Variants in ZNF143 observed in about 807,000 individuals in gnomAD.
ZNF143 encodes the protein zinc finger protein 143.
In ZNF143, 49 loss-of-function variants were observed where a neutral mutation model predicts 74.1. The observed-to-expected ratio is 0.66, with a 90% CI of 0.53 to 0.84. ZNF143 has a LOEUF of 0.84. Ranked by LOEUF, ZNF143 falls within the 40% of genes least tolerant of loss-of-function variation. The probability of loss-of-function intolerance (pLI) is 0.00; values close to 1 mark genes in which losing one functional copy is unlikely to be tolerated. For synonymous variants in ZNF143, 304 were observed against 282.8 expected (o/e 1.07, Z -0.75); for missense variants, 637 against 793.4 (o/e 0.80, Z 2.37).
chr11:9,507,744 A>G (rs59292509), intron 11 of ZNF143, among the ~76,000 whole-genome samples: 1,915 of 152,308 alleles, frequency 0.013, 43 homozygotes, highest in African/African-American at 0.043. Context: ...GATATTAAGT[A>G]ATTATTATTA....
intron 11 of ZNF143, among the ~76,000 whole-genome samples, chr11:9,507,689 T>C (rs1368982612): frequency 6.6e-6 from 1 of 152,230 alleles, no homozygotes; most frequent in Non-Finnish European, 1.5e-5. Context: ...CTTTCAGTTT[T>C]AGGTCCCTAC....
chr11:9,504,504 G>A lies in ZNF143; in HGVS notation c.1147+3234G>A, dbSNP rs1225309371. Among the ~76,000 whole-genome samples, 7 of 125,018 alleles carry A rather than the reference G, an allele frequency of 5.6e-5. 2 individuals are homozygous for A. The highest frequency in any genetic ancestry group is 1.7e-4 in the Admixed American group (2 of 11,716). 82.0% of individuals were successfully genotyped at this position (125,018 alleles called of 152,430 possible). A position where few individuals can be genotyped will look rare whatever the true frequency, so the allele number is the denominator to read the frequency against. ...CAGTATAGAAGCTTTTAATTTTAATGCTCCATTTTGTGGATGTATTTTTGG... is the reference window on the plus strand; with the variant it reads ...CAGTATAGAAGCTTTTAATTTTAATACTCCATTTTGTGGATGTATTTTTGG... On this transcript the variant is annotated intron_variant, in intron 11 of 15. Coordinates refer to ENST00000396602, the MANE Select transcript of ZNF143 (RefSeq NM_003442.6).
chr11:9,525,503 T>C, intron 15 of ZNF143, 117 bp downstream of exon 15: 2 of 1,325,916 alleles, frequency 1.5e-6, no homozygotes, highest in South Asian at 2.4e-5. Flanking sequence ...ATAATCTCTA[T>C]CACCTAGCCT....
intron 14 of ZNF143, among the ~76,000 whole-genome samples, chr11:9,517,196 T>A (rs990114014): frequency 6.6e-6 from 1 of 152,166 alleles, no homozygotes; most frequent in Admixed American, 6.6e-5. Flanking sequence ...AGCCTCCATT[T>A]TTTTTTTAAT....
intron 12 of ZNF143, among the ~76,000 whole-genome samples, chr11:9,511,026 T>C (rs936206140): frequency 9.9e-5 from 15 of 151,848 alleles, no homozygotes; most frequent in African/African-American, 3.6e-4. Context: ...TATCAGTGGG[T>C]GTGTTTGCAA....
At chr11:9,467,241 T>G (rs1429698903) in intron 1 of ZNF143, among the ~76,000 whole-genome samples, 3 of 150,124 alleles carry the variant, frequency 2.0e-5, no homozygotes, top group Non-Finnish European at 3.0e-5. Context: ...GAAAGTGTTT[T>G]TTTTTTTTTT....
At chr11:9,471,893 G>C (rs1856595008) in intron 2 of ZNF143, among the ~76,000 whole-genome samples, 1 of 149,752 alleles carries the variant, frequency 6.7e-6, no homozygotes, top group Non-Finnish European at 1.5e-5. Context: ...CAGGAGGGCA[G>C]GGAATTTTTT....
At chr11:9,480,422 T>C (rs1847188182) in intron 7 of ZNF143, among the ~76,000 whole-genome samples, 1 of 152,166 alleles carries the variant, frequency 6.6e-6, no homozygotes, top group South Asian at 2.1e-4. Flanking sequence ...CTTCAGAGTT[T>C]TATTATATTT....
chr11:9,479,563 T>C lies in ZNF143; in HGVS notation c.645+17T>C. 1 of 1,604,412 alleles carries C rather than the reference T, an allele frequency of 6.2e-7. No individual in the cohort carries two copies. The highest frequency in any genetic ancestry group is 8.5e-7 in the Non-Finnish European group (1 of 1,174,318). On this transcript the variant is annotated intron_variant, in intron 7 of 15. Coordinates refer to ENST00000396602, the MANE Select transcript of ZNF143 (RefSeq NM_003442.6). ...AAAATGCAGGTATGTAAAGCTACTT[T>C]TTAATATAAAAATCTAGCTTAGCAT...
At chr11:9,493,477 G>A (rs1199103548) in intron 7 of ZNF143, among the ~76,000 whole-genome samples, 1 of 152,038 alleles carries the variant, frequency 6.6e-6, no homozygotes, top group African/African-American at 2.4e-5. Flanking sequence ...AAAATAAATA[G>A]CTTGTAATTT....
chr11:9,502,343 C>G (rs1848197475), intron 11 of ZNF143, among the ~76,000 whole-genome samples: 1 of 137,706 alleles, frequency 7.3e-6, no homozygotes, highest in Non-Finnish European at 1.5e-5. Flanking sequence ...GGCGCGGTGG[C>G]TCACGCCTGT....
chr11:9,506,512 T>A (rs1397945074), intron 11 of ZNF143, among the ~76,000 whole-genome samples: 1 of 152,232 alleles, frequency 6.6e-6, no homozygotes, highest in African/African-American at 2.4e-5. Flanking sequence ...ATATTGGATG[T>A]ATCTCTTTAA....
intron 14 of ZNF143, among the ~76,000 whole-genome samples, chr11:9,518,441 G>T (rs529049579): frequency 1.4e-3 from 217 of 152,286 alleles, no homozygotes; most frequent in African/African-American, 5.0e-3. Context: ...GGCTGGGTGC[G>T]GTGGCTCACG....
chr11:9,504,700 C>A (rs1044087669), intron 11 of ZNF143, among the ~76,000 whole-genome samples: 2 of 98,146 alleles, frequency 2.0e-5, no homozygotes, highest in Non-Finnish European at 4.5e-5. Context: ...TTTGAGACAG[C>A]GTCTCGCTCT....
At position 9,473,950 on chromosome 11, in the gene ZNF143, T is replaced by C. The variant is rs775146887; in HGVS notation, c.215T>C (p.Leu72Pro). Residue 72 changes from leucine to proline, a missense_variant, in exon 4 of 16, where the codon CTC becomes CCC. Physicochemically the swap from Leu to Pro is moderately conservative, Grantham distance 98 (BLOSUM62 -3). Coordinates refer to ENST00000396602, the MANE Select transcript of ZNF143 (RefSeq NM_003442.6). The stretch of plus-strand genomic sequence containing the variant: ...GAATCTTTTGTTATAGATGCAAAAC[T>C]CATAGATGGCCAGGTCATTCAGTTG... ...YIQHNSKDAK[L>P]IDGQVIQLED... 1 of 1,614,140 alleles carries C rather than the reference T, an allele frequency of 6.2e-7. No individual in the cohort carries two copies.
intron 7 of ZNF143, among the ~76,000 whole-genome samples, chr11:9,483,672 T>C (rs956409535): frequency 2.7e-5 from 4 of 150,824 alleles, no homozygotes; most frequent in Non-Finnish European, 5.9e-5. Context: ...GGTGCAGTGT[T>C]GGTTCAAGTT....
chr11:9,485,076 C>T (rs895990722), intron 7 of ZNF143, among the ~76,000 whole-genome samples: 6 of 150,732 alleles, frequency 4.0e-5, no homozygotes, highest in South Asian at 2.1e-4. Flanking sequence ...GGATTACAGG[C>T]GTGACCCACC....
rs1565039182 is a variant in ZNF143 at position 9,486,414 on chromosome 11, T to TATATATTATATATATAAA, written c.645+6883_645+6884insAAAATATATTATATATAT. Among the ~76,000 whole-genome samples, 113 of 23,950 alleles carry TATATATTATATATATAAA rather than the reference T, an allele frequency of 4.7e-3. 2 individuals carry two copies. The highest frequency in any genetic ancestry group is 7.8e-3 in the Non-Finnish European group (102 of 13,006). 15.7% of individuals were successfully genotyped at this position (23,950 alleles called of 152,430 possible). On this transcript the variant is annotated intron_variant, in intron 7 of 15. Transcript: ENST00000396602. ...TATATATAATATATTATATATATAA[T>TATATATTATATATATAAA]ATATATTATATATATTATATATATA...
At chr11:9,491,137 G>A (rs1438985778) in intron 7 of ZNF143, among the ~76,000 whole-genome samples, 1 of 152,158 alleles carries the variant, frequency 6.6e-6, no homozygotes, top group Non-Finnish European at 1.5e-5. Context: ...TGTAGTCCCA[G>A]CTATTCAGGA....
Sources: allele counts gnomAD v4.1 joint callset (sites outside exome capture counted in the v4.1 genomes callset), GRCh38; gene constraint gnomAD v4.1.1; transcripts MANE v1.5; gene names NCBI Gene and HGNC (gene_info 2026-07-23, HGNC 2026-07-21).